Variants in PTPRD observed in about 807,000 individuals in gnomAD.
The protein encoded by PTPRD is protein tyrosine phosphatase receptor type D.
In PTPRD, 34 loss-of-function variants were observed where a neutral mutation model predicts 214.5. The ratio of observed to expected loss-of-function variants is 0.16; its 90% CI spans 0.12 to 0.21. The LOEUF (loss-of-function observed/expected upper bound fraction) is 0.21. Among genes scored for constraint, PTPRD ranks in the 10% least tolerant of loss-of-function variants. The pLI, the probability that PTPRD is intolerant of heterozygous loss-of-function variation, is 1.00. For missense variants in PTPRD, 2,545 were observed against 2,398.7 expected (o/e 1.06, Z -1.27); for synonymous variants, 1,128 against 845.7 (o/e 1.33, Z -5.79).
chr9:8,521,126 TATATA>T (rs2097883268), intron 20 of PTPRD, 146 bp downstream of exon 20: 3 of 939,418 alleles, frequency 3.2e-6, no homozygotes, highest in Non-Finnish European at 4.6e-6. Flanking sequence ...TTATGCATGT[TATATA>T]ATACCACAGA....
intron 7 of PTPRD, among the ~76,000 whole-genome samples, chr9:9,677,343 A>C (rs571855428): frequency 6.6e-6 from 1 of 152,198 alleles, no homozygotes; most frequent in East Asian, 1.9e-4. Flanking sequence ...AGCTTTCTAC[A>C]TATGGCTAGC....
chr9:9,349,750 A>G (rs559900946), intron 9 of PTPRD, among the ~76,000 whole-genome samples: 2 of 149,086 alleles, frequency 1.3e-5, no homozygotes, highest in Non-Finnish European at 2.9e-5. Flanking sequence ...AGTGGCACCC[A>G]TCACATGTTT....
rs114904841 is a variant in PTPRD, at chr9:9,606,091, A to T, written c.-286-31310T>A. 4.3e-3 allele frequency among the ~76,000 whole-genome samples: 653 copies of T among 152,184 alleles called. 11 individuals carry two copies. Among genetic ancestry groups the T allele is most frequent in the African/African-American group, 0.015 (605 of 41,574 alleles). Reference sequence around the variant, plus strand: ...TGAAGACTAGAATGAATTTTCCTAGATGTAACCTAATTTAAATGGCATATA... The same window carrying T: ...TGAAGACTAGAATGAATTTTCCTAGTTGTAACCTAATTTAAATGGCATATA... On this transcript the variant is annotated intron_variant, in intron 7 of 45. Coordinates refer to ENST00000381196, the MANE Select transcript of PTPRD (RefSeq NM_002839.4).
chr9:10,248,375 C>A (rs564864199), intron 3 of PTPRD, among the ~76,000 whole-genome samples: 5 of 151,868 alleles, frequency 3.3e-5, no homozygotes, highest in African/African-American at 1.2e-4. Flanking sequence ...TTTGGCAGCA[C>A]TTATTGAAGA....
At chr9:9,749,032 C>G (rs2098486491) in intron 6 of PTPRD, among the ~76,000 whole-genome samples, 1 of 41,052 alleles carries the variant, frequency 2.4e-5, no homozygotes, top group East Asian at 2.3e-4. Flanking sequence ...TATAATCTCC[C>G]TTCTTCTTCT....
intron 10 of PTPRD, among the ~76,000 whole-genome samples, chr9:9,055,510 C>T (rs183319449): frequency 1.3e-5 from 2 of 152,086 alleles, no homozygotes; most frequent in Non-Finnish European, 2.9e-5. Flanking sequence ...AATATCCCAG[C>T]ACTATGGCCC....
chr9:8,812,993 T>C (rs2096842753), intron 11 of PTPRD, among the ~76,000 whole-genome samples: 1 of 152,136 alleles, frequency 6.6e-6, no homozygotes, highest in African/African-American at 2.4e-5. Flanking sequence ...AAGCTTTTGC[T>C]TCCGCTCCTC....
intron 11 of PTPRD, among the ~76,000 whole-genome samples, chr9:8,779,502 G>C (rs1180836815): frequency 6.6e-6 from 1 of 152,094 alleles, no homozygotes; most frequent in East Asian, 1.9e-4. Flanking sequence ...TTATTAGAAA[G>C]AATGTAAAGC....
At chr9:8,370,082 G>T (rs10758965) in intron 39 of PTPRD, among the ~76,000 whole-genome samples, 1 of 151,612 alleles carries the variant, frequency 6.6e-6, no homozygotes, top group Admixed American at 6.6e-5. Flanking sequence ...ATAGGAAAAT[G>T]TAATCCATGA....
rs753352248 is a variant in PTPRD at position 8,518,365 on chromosome 9, C to T, written c.1026G>A (p.Thr342=). The change falls in exon 21 of 46, where the codon ACG becomes ACA. Residue 342 remains threonine, a synonymous_variant. Coordinates refer to ENST00000381196, the MANE Select transcript of PTPRD (RefSeq NM_002839.4). Reference sequence around the variant, plus strand: ...CAGGCTCAGGGTTCCCAGAGTCCCACGTCAGTGTGATGCTTGTAGCTGTGC... The same window carrying T: ...CAGGCTCAGGGTTCCCAGAGTCCCATGTCAGTGTGATGCTTGTAGCTGTGC... ...TESTATSITL[T]WDSGNPEPVS... is the part of the protein sequence containing the mutation. 17 of 1,613,888 alleles carry T rather than the reference C, an allele frequency of 1.1e-5. No homozygotes were observed. In the East Asian group the frequency reaches 1.1e-4, roughly 11 times the overall value.
chr9:9,964,422 G>A (rs577241711), intron 4 of PTPRD, among the ~76,000 whole-genome samples: 12 of 152,194 alleles, frequency 7.9e-5, no homozygotes, highest in African/African-American at 2.6e-4. Flanking sequence ...TTTTCTTTCC[G>A]TATAATTCCA....
intron 11 of PTPRD, among the ~76,000 whole-genome samples, chr9:8,819,832 A>G (rs1309572213): frequency 6.6e-6 from 1 of 152,162 alleles, no homozygotes; most frequent in Non-Finnish European, 1.5e-5. Context: ...CAACTGACAT[A>G]CAATCAGAGA....
chr9:8,756,335 G>T (rs1319337504), intron 11 of PTPRD, among the ~76,000 whole-genome samples: 4 of 152,202 alleles, frequency 2.6e-5, no homozygotes, highest in African/African-American at 7.2e-5. Flanking sequence ...CCGGGAGACT[G>T]AAGTTCCACA....
intron 3 of PTPRD, among the ~76,000 whole-genome samples, chr9:10,113,375 G>A (rs1241280851): frequency 1.3e-5 from 2 of 152,142 alleles, no homozygotes; most frequent in African/African-American, 4.8e-5. Context: ...ATGAAGTCAG[G>A]TACTTATCAT....
intron 3 of PTPRD, among the ~76,000 whole-genome samples, chr9:10,089,206 A>AAAATAAATAAAT (rs34355367): frequency 0.46 from 65,012 of 142,302 alleles, 15,357 homozygotes; most frequent in East Asian, 0.55. Flanking sequence ...AATCAGTCTC[A>AAAATAAATAAAT]AAATAAATAA....
intron 10 of PTPRD, among the ~76,000 whole-genome samples, chr9:9,096,470 C>T (rs891627144): frequency 3.9e-5 from 6 of 152,140 alleles, no homozygotes; most frequent in African/African-American, 1.4e-4. Flanking sequence ...AATTTGTATA[C>T]TGATTAGACA....
At chr9:8,576,904 T>A (rs1331251791) in intron 14 of PTPRD, among the ~76,000 whole-genome samples, 1 of 152,192 alleles carries the variant, frequency 6.6e-6, no homozygotes, top group Non-Finnish European at 1.5e-5. Flanking sequence ...TTACTGTGTA[T>A]CTCTTCTTGC....
At chr9:8,389,746 T>A (rs2088761897) in intron 36 of PTPRD, among the ~76,000 whole-genome samples, 1 of 152,122 alleles carries the variant, frequency 6.6e-6, no homozygotes, top group Non-Finnish European at 1.5e-5. Context: ...CTGGTAACAT[T>A]CCTCACCCAT....
intron 39 of PTPRD, among the ~76,000 whole-genome samples, chr9:8,373,896 ATCTATCTATCTATC>A (rs1564368860): frequency 9.2e-6 from 1 of 108,966 alleles, no homozygotes; most frequent in Admixed American, 9.7e-5. Flanking sequence ...CTATCTATCT[ATCTATCTATCTATC>A]TATCTACCTA....
Sources: allele counts gnomAD v4.1 joint callset (sites outside exome capture counted in the v4.1 genomes callset), GRCh38; gene constraint gnomAD v4.1.1; transcripts MANE v1.5; gene names NCBI Gene and HGNC (gene_info 2026-07-23, HGNC 2026-07-21).